Variants in STARD13 observed in about 807,000 individuals in gnomAD.
The protein encoded by STARD13 is StAR related lipid transfer domain containing 13, also known as stAR-related lipid transfer protein 13.
Under a neutral mutation model 106.4 loss-of-function variants are expected in STARD13, and 62 were observed. The observed-to-expected ratio is 0.58, with a 90% confidence interval of 0.48 to 0.72. The LOEUF is 0.72. Among genes scored for constraint, STARD13 ranks in the 30% least tolerant of loss-of-function variants. STARD13 has a pLI of 0.00. For synonymous variants in STARD13, 565 were observed against 553.0 expected, an observed-to-expected ratio of 1.02 and a Z score of -0.31; for missense variants, 1,387 against 1,424.0, an observed-to-expected ratio of 0.97 and a Z score of 0.42.
At chr13:33,384,606 A>G in the STARD13 span, among the ~76,000 whole-genome samples, 3 of 152,232 alleles carry the variant, frequency 2.0e-5, no homozygotes, top group African/African-American at 4.8e-5. Flanking sequence ...ATAAAAATAG[A>G]ATATACTAAT....
At chr13:33,121,329 G>A (rs572968401) in intron 7 of STARD13, among the ~76,000 whole-genome samples, 2 of 152,240 alleles carry the variant, frequency 1.3e-5, no homozygotes, top group Admixed American at 6.5e-5. Flanking sequence ...CACTTTGGGA[G>A]GCCGAGGTGG....
the STARD13 span, among the ~76,000 whole-genome samples, chr13:33,641,737 G>A: frequency 2.0e-5 from 3 of 152,094 alleles, no homozygotes; most frequent in African/African-American, 7.2e-5. Context: ...AGAAGCCTGT[G>A]ATATACTGAT....
At chr13:33,592,830 A>G in the STARD13 span, among the ~76,000 whole-genome samples, 1 of 152,212 alleles carries the variant, frequency 6.6e-6, no homozygotes, top group Middle Eastern at 3.2e-3. Flanking sequence ...CTTATTGAGT[A>G]CCTTCTACAG....
chr13:33,465,201 C>CTTTTTTT, the STARD13 span, among the ~76,000 whole-genome samples: 53 of 60,662 alleles, frequency 8.7e-4, no homozygotes, highest in African/African-American at 1.2e-3. Flanking sequence ...TGGTCTTCTT[C>CTTTTTTT]TTTTTTTTTT....
chr13:33,522,306 C>T, the STARD13 span, among the ~76,000 whole-genome samples: 3 of 151,996 alleles, frequency 2.0e-5, no homozygotes, highest in Admixed American at 1.3e-4. Context: ...TGCACAGCAC[C>T]CCCATCATCA....
At chr13:33,605,638 A>T in the STARD13 span, among the ~76,000 whole-genome samples, 1 of 152,144 alleles carries the variant, frequency 6.6e-6, no homozygotes, top group African/African-American at 2.4e-5. Context: ...CCACACTTTG[A>T]ATAGCGCTGT....
intron 1 of STARD13, among the ~76,000 whole-genome samples, chr13:33,291,118 G>C (rs1490923165): frequency 1.3e-5 from 2 of 152,322 alleles, no homozygotes; most frequent in African/African-American, 4.8e-5. Context: ...AACTACTGCA[G>C]TAGTTAATTC....
the STARD13 span, among the ~76,000 whole-genome samples, chr13:33,456,440 T>A: frequency 6.6e-6 from 1 of 152,152 alleles, no homozygotes; most frequent in Non-Finnish European, 1.5e-5. Flanking sequence ...TCTGCCCCCC[T>A]CAGCCTCCCA....
the STARD13 span, among the ~76,000 whole-genome samples, chr13:33,519,011 A>C: frequency 1.3e-5 from 2 of 152,090 alleles, no homozygotes. Context: ...CCATCTGAGC[A>C]CTTTAGCAAG....
chr13:33,493,496 A>G, the STARD13 span, among the ~76,000 whole-genome samples: 1,312 of 152,332 alleles, frequency 8.6e-3, 14 homozygotes, highest in African/African-American at 0.03. Context: ...TGCAGATAAT[A>G]GGGCATACTA....
At chr13:33,285,882 C>T (rs912004473), upstream of STARD13, 2 of 767,734 alleles carry the variant, frequency 2.6e-6, no homozygotes. Context: ...TAAGCCCCGA[C>T]CAGAGGCAGT....
At chr13:33,469,235 T>C in the STARD13 span, among the ~76,000 whole-genome samples, 2 of 152,186 alleles carry the variant, frequency 1.3e-5, no homozygotes, top group Admixed American at 6.5e-5. Context: ...TCAGGAAACT[T>C]ATGCAATGTC....
intron 3 of STARD13, among the ~76,000 whole-genome samples, chr13:33,160,381 T>C (rs1882482347): frequency 6.6e-6 from 1 of 152,164 alleles, no homozygotes; most frequent in South Asian, 2.1e-4. Context: ...TGTGACCCTA[T>C]GTTAGGCAAA....
At chr13:33,525,055 T>C in the STARD13 span, among the ~76,000 whole-genome samples, 1 of 152,170 alleles carries the variant, frequency 6.6e-6, no homozygotes, top group African/African-American at 2.4e-5. Flanking sequence ...AGGGTCTCGC[T>C]CTGTCACCCA....
At chr13:33,502,101 T>A in the STARD13 span, among the ~76,000 whole-genome samples, 2 of 152,286 alleles carry the variant, frequency 1.3e-5, no homozygotes, top group South Asian at 2.1e-4. Context: ...GTCCTTCACA[T>A]CCCTTATAAG....
At chr13:33,658,567 T>A in the STARD13 span, among the ~76,000 whole-genome samples, 2 of 152,232 alleles carry the variant, frequency 1.3e-5, no homozygotes, top group African/African-American at 4.8e-5. Flanking sequence ...GTCTGGAGTA[T>A]CTTTTTCTCA....
the STARD13 span, among the ~76,000 whole-genome samples, chr13:33,375,955 C>T: frequency 6.6e-6 from 1 of 151,956 alleles, no homozygotes; most frequent in Non-Finnish European, 1.5e-5. Flanking sequence ...CATACTTGAC[C>T]ATACTTTACT....
At chr13:33,432,636 A>C in the STARD13 span, among the ~76,000 whole-genome samples, 1 of 152,234 alleles carries the variant, frequency 6.6e-6, no homozygotes, top group South Asian at 2.1e-4. Context: ...TATTTATATG[A>C]AAATCACAAT....
the STARD13 span, among the ~76,000 whole-genome samples, chr13:33,401,601 CT>C: frequency 6.6e-6 from 1 of 152,214 alleles, no homozygotes; most frequent in East Asian, 1.9e-4. Flanking sequence ...TTTTACCCAA[CT>C]TTCCTTCTTG....
Sources: allele counts gnomAD v4.1 joint callset (sites outside exome capture counted in the v4.1 genomes callset), GRCh38; gene constraint gnomAD v4.1.1; transcripts MANE v1.5; gene names NCBI Gene and HGNC (gene_info 2026-07-23, HGNC 2026-07-21).